Variants in HCN1 observed in about 807,000 individuals in gnomAD.
HCN1 encodes hyperpolarization activated cyclic nucleotide gated potassium channel 1.
In HCN1, 13 loss-of-function variants were observed where a neutral mutation model predicts 78.9. That is an observed-to-expected ratio of 0.16 (90% confidence interval 0.11 to 0.26). The LOEUF is 0.26. Among genes scored for constraint, HCN1 ranks in the 10% least tolerant of loss-of-function variants. HCN1 has a pLI of 1.00. For synonymous variants in HCN1, 552 were observed against 455.5 expected (o/e 1.21, Z -2.70); for missense variants, 810 against 1,154.3 (o/e 0.70, Z 4.32).
intron 4 of HCN1, among the ~76,000 whole-genome samples, chr5:45,393,583 C>A (rs974009970): frequency 6.6e-6 from 1 of 152,118 alleles, no homozygotes; most frequent in Non-Finnish European, 1.5e-5. Context: ...GGAGGCTTGG[C>A]ATGAAGGTCA....
intron 4 of HCN1, among the ~76,000 whole-genome samples, chr5:45,360,634 AT>A (rs778003462): frequency 1.3e-5 from 2 of 151,690 alleles, no homozygotes; most frequent in Non-Finnish European, 2.9e-5. Flanking sequence ...ATCTTTTAGA[AT>A]TTTTTTTTCT....
At chr5:45,454,253 T>C (rs1257853190) in intron 3 of HCN1, among the ~76,000 whole-genome samples, 2 of 152,122 alleles carry the variant, frequency 1.3e-5, no homozygotes, top group African/African-American at 4.8e-5. Context: ...GAACACAGTA[T>C]GTGAACCCTT....
intron 1 of HCN1, among the ~76,000 whole-genome samples, chr5:45,676,940 C>T (rs1014884404): frequency 6.6e-6 from 1 of 151,720 alleles, no homozygotes; most frequent in East Asian, 1.9e-4. Flanking sequence ...ACTAGCAATC[C>T]ATATATCATA....
intron 5 of HCN1, among the ~76,000 whole-genome samples, chr5:45,346,557 G>A (rs1343647525): frequency 1.3e-5 from 2 of 152,172 alleles, no homozygotes; most frequent in African/African-American, 2.4e-5. Context: ...GAAGCAGGGC[G>A]AGGCACTACC....
intron 2 of HCN1, among the ~76,000 whole-genome samples, chr5:45,526,541 C>T (rs1300322009): frequency 6.6e-6 from 1 of 152,118 alleles, no homozygotes; most frequent in Non-Finnish European, 1.5e-5. Flanking sequence ...TTTCCTGTCC[C>T]TTCTGTGCCT....
intron 2 of HCN1, among the ~76,000 whole-genome samples, chr5:45,534,047 T>A (rs892501619): frequency 6.6e-6 from 1 of 152,128 alleles, no homozygotes; most frequent in East Asian, 1.9e-4. Context: ...CTACTGAGCA[T>A]AGATTTCTCA....
chr5:45,689,895 T>C (rs1433310187), intron 1 of HCN1, among the ~76,000 whole-genome samples: 1 of 152,132 alleles, frequency 6.6e-6, no homozygotes, highest in African/African-American at 2.4e-5. Flanking sequence ...AGCCTGTAAA[T>C]ATCATAACAG....
chr5:45,643,978 A>G (rs1371798007), intron 2 of HCN1: 1 of 152,100 alleles, frequency 6.6e-6, no homozygotes, highest in Non-Finnish European at 1.5e-5. Flanking sequence ...AATATATCCC[A>G]TATCTATATT....
At chr5:45,351,270 T>C (rs1294230440) in intron 5 of HCN1, among the ~76,000 whole-genome samples, 1 of 150,480 alleles carries the variant, frequency 6.6e-6, no homozygotes, top group Non-Finnish European at 1.5e-5. Flanking sequence ...AAACAAGCAA[T>C]GGGGAAAGGA....
intron 3 of HCN1, among the ~76,000 whole-genome samples, chr5:45,402,812 CCTCCT>C (rs1461794088): frequency 7.9e-6 from 1 of 126,258 alleles, no homozygotes; most frequent in East Asian, 2.5e-4. Context: ...TCCTTTCTTT[CCTCCT>C]TCCTTCCTTC....
In HCN1 at chr5:45,267,121, T is replaced by G; in HGVS notation, c.1751A>C (p.Glu584Ala). Reference protein sequence around the residue: ...EEYPMMRRAFETVAIDRLDRI... With the variant: ...EEYPMMRRAFATVAIDRLDRI... Reference sequence around the variant, plus strand: ...ATCTAGTCGGTCAATGGCAACTGTCTCAAAGGCTCTCCTCATCATTGGATA... The same window carrying G: ...ATCTAGTCGGTCAATGGCAACTGTCGCAAAGGCTCTCCTCATCATTGGATA... The change falls in exon 7 of 8, where the codon GAG (glutamate) becomes GCG (alanine). Residue 584 changes from glutamate to alanine, a missense_variant. By Grantham distance (107) the Glu-to-Ala change is moderately radical. Transcript: ENST00000303230. 6.2e-7 allele frequency: 1 copy of G among 1,613,948 alleles called. No individual in the cohort carries two copies. The highest frequency in any genetic ancestry group is 8.5e-7 in the Non-Finnish European group (1 of 1,179,856).
At chr5:45,402,840 C>CTTCCT (rs1385804484) in intron 3 of HCN1, among the ~76,000 whole-genome samples, 3 of 142,060 alleles carry the variant, frequency 2.1e-5, no homozygotes, top group African/African-American at 7.9e-5. Context: ...TCCTTCCTTC[C>CTTCCT]TTCCTTCCTT....
intron 3 of HCN1, among the ~76,000 whole-genome samples, chr5:45,445,704 A>T (rs2111581558): frequency 6.6e-6 from 1 of 152,308 alleles, no homozygotes; most frequent in South Asian, 2.1e-4. Flanking sequence ...CAGAGGAAGG[A>T]TCAGACAGCA....
chr5:45,300,378 C>T (rs549282711), intron 6 of HCN1, among the ~76,000 whole-genome samples: 17 of 152,086 alleles, frequency 1.1e-4, no homozygotes, highest in African/African-American at 3.4e-4. Context: ...AAAGTAACCC[C>T]TTCTCTTCCT....
intron 3 of HCN1, among the ~76,000 whole-genome samples, chr5:45,423,468 C>A (rs1579884087): frequency 6.6e-6 from 1 of 152,296 alleles, no homozygotes; most frequent in East Asian, 1.9e-4. Context: ...TCCTAACTCC[C>A]CAACAACACT....
chr5:45,281,579 CTTTTTTTTTTTTTTTTT>C (rs751307473), intron 6 of HCN1, among the ~76,000 whole-genome samples: 1 of 81,664 alleles, frequency 1.2e-5, no homozygotes, highest in Non-Finnish European at 2.4e-5. Context: ...CTCTTCTCTT[CTTTTTTTTTTTTTTTTT>C]TTTTTTTTTT....
chr5:45,401,840 C>A (rs1739813512), intron 3 of HCN1, among the ~76,000 whole-genome samples: 1 of 151,858 alleles, frequency 6.6e-6, no homozygotes. Flanking sequence ...TATTTTGTTT[C>A]ACTGCTCTGT....
chr5:45,410,865 T>C (rs770186107), intron 3 of HCN1, among the ~76,000 whole-genome samples: 5 of 152,090 alleles, frequency 3.3e-5, no homozygotes, highest in Non-Finnish European at 7.4e-5. Context: ...TCTGTGTCAG[T>C]TACCCATCTG....
chr5:45,288,356 C>T (rs1247377512), intron 6 of HCN1, among the ~76,000 whole-genome samples: 1 of 151,928 alleles, frequency 6.6e-6, no homozygotes, highest in Non-Finnish European at 1.5e-5. Flanking sequence ...ATACTGTGAA[C>T]TAGAATAGGC....
Sources: gnomAD v4.1 joint callset for allele counts (sites outside exome capture counted in the v4.1 genomes callset) on GRCh38, gnomAD v4.1.1 for gene constraint, MANE v1.5 for transcripts, NCBI Gene and HGNC (gene_info 2026-07-23, HGNC 2026-07-21) for gene names.